ESR1: variants seen among roughly 807,000 people sequenced by gnomAD.
ESR1 encodes the protein estrogen receptor.
Under a neutral mutation model 52.7 loss-of-function variants are expected in ESR1, and 12 were observed. The observed-to-expected ratio is 0.23, with a 90% confidence interval of 0.15 to 0.37. The LOEUF is 0.37. Among genes scored for constraint, ESR1 ranks in the 10% least tolerant of loss-of-function variants. ESR1 has a pLI of 1.00. For synonymous variants in ESR1, 305 were observed against 316.8 expected (o/e 0.96, Z 0.39); for missense variants, 584 against 779.7 (o/e 0.75, Z 2.99).
intron 4 of ESR1, among the ~76,000 whole-genome samples, chr6:151,948,967 G>A (rs895103789): frequency 6.6e-6 from 1 of 152,144 alleles, no homozygotes. Flanking sequence ...CAAATGAAAG[G>A]TGATTTTTGA....
chr6:151,976,655 T>A (rs1400995718), intron 4 of ESR1, among the ~76,000 whole-genome samples: 2 of 152,146 alleles, frequency 1.3e-5, no homozygotes, highest in Admixed American at 6.5e-5. Flanking sequence ...TTGTCCTATT[T>A]AGACAAACAG....
intron 2 of ESR1, among the ~76,000 whole-genome samples, chr6:151,792,087 A>G (rs1391251092): frequency 1.3e-5 from 2 of 152,224 alleles, no homozygotes; most frequent in African/African-American, 4.8e-5. Flanking sequence ...ATAAACCTGT[A>G]CAGCATGTTA....
At chr6:152,091,031 T>C (rs913330060) in intron 6 of ESR1, among the ~76,000 whole-genome samples, 3 of 152,192 alleles carry the variant, frequency 2.0e-5, no homozygotes, top group Non-Finnish European at 4.4e-5. Flanking sequence ...TGCAATAATA[T>C]TTTTGAGGGT....
intron 2 of ESR1, among the ~76,000 whole-genome samples, chr6:151,754,550 C>T (rs1006441053): frequency 6.6e-6 from 1 of 152,146 alleles, no homozygotes; most frequent in Non-Finnish European, 1.5e-5. Context: ...CTGCTAAATC[C>T]GATGTCACTT....
intron 1 of ESR1, among the ~76,000 whole-genome samples, chr6:151,816,269 A>G (rs13362642): frequency 0.069 from 10,571 of 152,230 alleles, 832 homozygotes; most frequent in African/African-American, 0.17. Flanking sequence ...AGTACCATGA[A>G]TAATGAGAAT....
intron 2 of ESR1, among the ~76,000 whole-genome samples, chr6:151,789,739 G>A (rs527561101): frequency 6.6e-6 from 1 of 152,286 alleles, no homozygotes; most frequent in South Asian, 2.1e-4. Context: ...AAACGTGTGA[G>A]TTTCATTTCA....
chr6:152,029,374 A>G (rs1357918164), intron 5 of ESR1, among the ~76,000 whole-genome samples: 1 of 152,220 alleles, frequency 6.6e-6, no homozygotes, highest in East Asian at 1.9e-4. Context: ...ACCCACGGCA[A>G]AGAAGTTAAA....
chr6:151,904,622 A>C (rs1255416076), intron 3 of ESR1, among the ~76,000 whole-genome samples: 1 of 152,206 alleles, frequency 6.6e-6, no homozygotes, highest in Non-Finnish European at 1.5e-5. Flanking sequence ...ATTCATGCAT[A>C]TTCTTTCTCT....
At chr6:151,729,882 G>A (rs1782111272) in intron 2 of ESR1, among the ~76,000 whole-genome samples, 1 of 152,088 alleles carries the variant, frequency 6.6e-6, no homozygotes, top group Non-Finnish European at 1.5e-5. Context: ...GAGCCCAGGA[G>A]TTTGAGATCA....
At chr6:152,055,025 A>G (rs1418269029) in intron 5 of ESR1, among the ~76,000 whole-genome samples, 2 of 152,194 alleles carry the variant, frequency 1.3e-5, no homozygotes, top group South Asian at 4.1e-4. Context: ...CCTTCTTGTT[A>G]AAGGGTGAGT....
rs549195762 is a variant in ESR1, at chr6:151,857,578, G to A, written c.643+14791G>A. On this transcript the variant is annotated intron_variant, in intron 2 of 7. Coordinates refer to ENST00000206249, the MANE Select transcript of ESR1 (RefSeq NM_000125.4). Reference sequence around the variant, plus strand: ...AAGTCTCGCTCTGTCGCCCAAGCTGGAGTGCAGTGGCGCAAACTTGCCTCA... The same window carrying A: ...AAGTCTCGCTCTGTCGCCCAAGCTGAAGTGCAGTGGCGCAAACTTGCCTCA... Among the ~76,000 whole-genome samples, 4 of 151,856 alleles carry A rather than the reference G, an allele frequency of 2.6e-5. No homozygotes were observed. In the South Asian group the frequency reaches 8.3e-4, roughly 32 times the overall value.
chr6:152,060,836 A>G (rs1450481728), intron 5 of ESR1, among the ~76,000 whole-genome samples, 155 bp from the exon 6 acceptor site: 1 of 152,254 alleles, frequency 6.6e-6, no homozygotes, highest in East Asian at 1.9e-4. Context: ...ATTCAAATGA[A>G]TGTTCATATT....
chr6:151,955,658 C>A (rs1200309524), intron 4 of ESR1, among the ~76,000 whole-genome samples: 2 of 152,092 alleles, frequency 1.3e-5, no homozygotes, highest in East Asian at 1.9e-4. Flanking sequence ...AATAATAGTA[C>A]AAACAGTTTC....
chr6:152,113,784 T>C (rs2152514149), intron 6 of ESR1, among the ~76,000 whole-genome samples: 1 of 152,280 alleles, frequency 6.6e-6, no homozygotes, highest in Admixed American at 6.5e-5. Context: ...CAACACATCC[T>C]ATACATTAAT....
At chr6:151,773,899 A>G (rs1396210932) in intron 2 of ESR1, among the ~76,000 whole-genome samples, 1 of 152,210 alleles carries the variant, frequency 6.6e-6, no homozygotes, top group East Asian at 1.9e-4. Flanking sequence ...TTGAATTGTT[A>G]TCAGCAATGT....
chr6:151,912,903 A>G (rs1584178002), intron 3 of ESR1, among the ~76,000 whole-genome samples: 1 of 152,036 alleles, frequency 6.6e-6, no homozygotes. Context: ...GGAGCATCAC[A>G]CAACGGGGCC....
chr6:151,664,070 T>A (rs993634910), intron 1 of ESR1, among the ~76,000 whole-genome samples: 8 of 152,148 alleles, frequency 5.3e-5, no homozygotes, highest in Non-Finnish European at 1.2e-4. Context: ...TTTGATGCCA[T>A]CCCAGGTACA....
intron 3 of ESR1, among the ~76,000 whole-genome samples, chr6:151,901,286 C>T (rs1005440209): frequency 6.6e-6 from 1 of 152,226 alleles, no homozygotes; most frequent in African/African-American, 2.4e-5. Context: ...GGTCTCACTC[C>T]TGTGCCCTAC....
intron 4 of ESR1, among the ~76,000 whole-genome samples, chr6:151,951,256 A>G (rs1013688661): frequency 2.0e-5 from 3 of 152,112 alleles, no homozygotes; most frequent in East Asian, 1.9e-4. Flanking sequence ...TCGTTTTCCT[A>G]CAGATGGCTC....
Sources: allele counts gnomAD v4.1 joint callset (sites outside exome capture counted in the v4.1 genomes callset), GRCh38; gene constraint gnomAD v4.1.1; transcripts MANE v1.5; gene names NCBI Gene and HGNC (gene_info 2026-07-23, HGNC 2026-07-21).